UNC5C: variants seen among roughly 807,000 people sequenced by gnomAD.
UNC5C encodes unc-5 netrin receptor C, also known as netrin receptor UNC5C.
Under a neutral mutation model 99.8 loss-of-function variants are expected in UNC5C, and 47 were observed. That is an observed-to-expected ratio of 0.47 (90% CI 0.37 to 0.60). The LOEUF is 0.60. Ranked by LOEUF, UNC5C falls within the 20% of genes least tolerant of loss-of-function variation. The pLI, the probability that UNC5C is intolerant of heterozygous loss-of-function variation, is 0.00. For synonymous variants in UNC5C, 487 were observed against 452.2 expected, an observed-to-expected ratio of 1.08 and a Z score of -0.98; for missense variants, 1,062 against 1,165.9, an observed-to-expected ratio of 0.91 and a Z score of 1.30.
chr4:95,183,799 G>A (rs1056433363), intron 13 of UNC5C, among the ~76,000 whole-genome samples: 6 of 152,154 alleles, frequency 3.9e-5, no homozygotes, highest in Admixed American at 6.5e-5. Flanking sequence ...CCCTTATTTC[G>A]CTTACTTGAT....
intron 4 of UNC5C, among the ~76,000 whole-genome samples, chr4:95,277,237 T>A (rs1740895667): frequency 6.6e-6 from 1 of 152,172 alleles, no homozygotes; most frequent in Admixed American, 6.5e-5. Context: ...CATATATAGG[T>A]CCCAATTGCA....
intron 1 of UNC5C, among the ~76,000 whole-genome samples, chr4:95,515,529 T>C (rs907151689): frequency 5.3e-5 from 8 of 152,230 alleles, no homozygotes; most frequent in Non-Finnish European, 1.0e-4. Context: ...GAGCCTCAGT[T>C]TTTGTTAGCT....
intron 1 of UNC5C, among the ~76,000 whole-genome samples, chr4:95,401,234 G>A (rs1288826255): frequency 3.9e-5 from 6 of 152,010 alleles, no homozygotes; most frequent in Non-Finnish European, 4.4e-5. Flanking sequence ...GAACTTCAGG[G>A]GGGTATTAAA....
At chr4:95,350,456 C>T (rs2626067) in intron 1 of UNC5C, among the ~76,000 whole-genome samples, 117,439 of 151,364 alleles carry the variant, frequency 0.78, 46,193 homozygotes, top group East Asian at 1. Context: ...CACTACATTC[C>T]AGCCTGGTAA....
At chr4:95,330,362 C>T (rs1743063640) in intron 2 of UNC5C, among the ~76,000 whole-genome samples, 2 of 152,008 alleles carry the variant, frequency 1.3e-5, no homozygotes, top group Non-Finnish European at 1.5e-5. Flanking sequence ...CATATTCGAC[C>T]TTTCCATTCA....
At chr4:95,535,307 C>A (rs927229484) in intron 1 of UNC5C, among the ~76,000 whole-genome samples, 14 of 152,056 alleles carry the variant, frequency 9.2e-5, no homozygotes, top group Non-Finnish European at 1.9e-4. Context: ...TGACAACATG[C>A]TTTTATTGGT....
chr4:95,310,197 A>C (rs995085865), intron 2 of UNC5C, among the ~76,000 whole-genome samples: 1 of 152,164 alleles, frequency 6.6e-6, no homozygotes, highest in Non-Finnish European at 1.5e-5. Flanking sequence ...CAGGAAGACA[A>C]ATACTGCATG....
At chr4:95,294,539 C>A (rs960968849) in intron 3 of UNC5C, among the ~76,000 whole-genome samples, 4 of 152,168 alleles carry the variant, frequency 2.6e-5, no homozygotes, top group Admixed American at 6.5e-5. Context: ...GCATGTAAAT[C>A]CCATTATAGC....
chr4:95,215,817 C>A (rs1383465923), intron 10 of UNC5C, among the ~76,000 whole-genome samples: 1 of 152,120 alleles, frequency 6.6e-6, no homozygotes, highest in East Asian at 1.9e-4. Context: ...GTCTCTGTGT[C>A]TACCCACTTG....
chr4:95,208,246 T>C (rs373573871), intron 10 of UNC5C, among the ~76,000 whole-genome samples: 6 of 152,328 alleles, frequency 3.9e-5, no homozygotes, highest in African/African-American at 1.2e-4. Context: ...ACAAATATTA[T>C]TTAGCAGGCT....
chr4:95,281,974 CA>C (rs1470479793), intron 3 of UNC5C, among the ~76,000 whole-genome samples: 1 of 152,140 alleles, frequency 6.6e-6, no homozygotes, highest in Admixed American at 6.5e-5. Context: ...TGCCTTCAGA[CA>C]ATGCCAAATG....
intron 2 of UNC5C, among the ~76,000 whole-genome samples, chr4:95,306,525 C>G (rs1430771496): frequency 6.6e-6 from 1 of 152,034 alleles, no homozygotes; most frequent in Non-Finnish European, 1.5e-5. Context: ...ATAAACATAT[C>G]TTGTTTATTA....
At chr4:95,292,359 T>G (rs1741508490) in intron 3 of UNC5C, among the ~76,000 whole-genome samples, 2 of 151,370 alleles carry the variant, frequency 1.3e-5, no homozygotes, top group African/African-American at 4.9e-5. Flanking sequence ...AAGCTCTGCC[T>G]CCCAGGTTCA....
At chr4:95,399,358 C>A (rs1463025067) in intron 1 of UNC5C, among the ~76,000 whole-genome samples, 1 of 152,174 alleles carries the variant, frequency 6.6e-6, no homozygotes, top group Non-Finnish European at 1.5e-5. Context: ...ACACTACATA[C>A]AAGAGGCAAG....
At chr4:95,255,651 C>T (rs377130874) in intron 4 of UNC5C, among the ~76,000 whole-genome samples, 2 of 152,126 alleles carry the variant, frequency 1.3e-5, no homozygotes, top group Non-Finnish European at 2.9e-5. Flanking sequence ...ATCTTAGTCT[C>T]GCTCTTCTAT....
intron 1 of UNC5C, among the ~76,000 whole-genome samples, chr4:95,505,085 T>A (rs1023622637): frequency 5.3e-5 from 8 of 152,088 alleles, no homozygotes; most frequent in African/African-American, 9.7e-5. Context: ...TCAACAAATA[T>A]TCACTTCTTA....
chr4:95,527,748 T>G (rs970138304), intron 1 of UNC5C, among the ~76,000 whole-genome samples: 33 of 152,126 alleles, frequency 2.2e-4, no homozygotes, highest in African/African-American at 8.0e-4. Context: ...GTGGGGTGAT[T>G]TTCTTATTAA....
In UNC5C at chr4:95,433,666, T is replaced by A. The variant is rs1442684069; in HGVS notation, c.125-98035A>T. Among the ~76,000 whole-genome samples, 4 of 152,142 alleles carry A rather than the reference T, an allele frequency of 2.6e-5. No homozygotes were observed. In the East Asian group the frequency reaches 5.8e-4, roughly 22 times the overall value. On this transcript the variant is annotated intron_variant, in intron 1 of 15. Coordinates refer to ENST00000453304, the MANE Select transcript of UNC5C (RefSeq NM_003728.4). ...ATGTATATCATTAACCAGAGTTCAATATTTGTTTAGATTTTTTTCATGCAA... is the reference window on the plus strand; with the variant it reads ...ATGTATATCATTAACCAGAGTTCAAAATTTGTTTAGATTTTTTTCATGCAA...
rs1183387640 is a variant in UNC5C at position 95,163,126 on chromosome 4, C to T, written c.*6108G>A. 2 of 152,234 alleles carry T rather than the reference C, an allele frequency of 1.3e-5. No individual in the cohort carries two copies. Among genetic ancestry groups the T allele is most frequent in the African/African-American group, 4.8e-5 (2 of 41,452 alleles). The allele number at this position is 152,234 out of a possible 1,614,324, so 9.4% of individuals were successfully genotyped here. A position where few individuals can be genotyped will look rare whatever the true frequency, so the allele number is the denominator to read the frequency against. Reference sequence around the variant, plus strand: ...TGTCTGGAGGGCGAGGGCTGCGCTACCAATGGCAGATCTAGGAAAGCGTGA... The same window carrying T: ...TGTCTGGAGGGCGAGGGCTGCGCTATCAATGGCAGATCTAGGAAAGCGTGA... On this transcript the variant is annotated 3_prime_UTR_variant, in exon 16 of 16. Transcript: ENST00000453304.
Sources: gnomAD v4.1 joint callset for allele counts (sites outside exome capture counted in the v4.1 genomes callset) on GRCh38, gnomAD v4.1.1 for gene constraint, MANE v1.5 for transcripts, NCBI Gene and HGNC (gene_info 2026-07-23, HGNC 2026-07-21) for gene names.